RAD54L2: variants seen among roughly 807,000 people sequenced by gnomAD.
The protein encoded by RAD54L2 is helicase ARIP4.
Under a neutral mutation model 138.4 loss-of-function variants are expected in RAD54L2, and 27 were observed. The ratio of observed to expected loss-of-function variants is 0.20; its 90% CI spans 0.14 to 0.27. RAD54L2 has a LOEUF of 0.27. Ranked by LOEUF, RAD54L2 falls within the 10% of genes least tolerant of loss-of-function variation. RAD54L2 has a pLI of 1.00. For missense variants in RAD54L2, 1,396 were observed against 1,890.2 expected (o/e 0.74, Z 4.85); for synonymous variants, 644 against 723.2 (o/e 0.89, Z 1.76).
At chr3:51,577,125 G>A (rs1026727385) in intron 2 of RAD54L2, among the ~76,000 whole-genome samples, 2 of 152,174 alleles carry the variant, frequency 1.3e-5, no homozygotes, top group African/African-American at 4.8e-5. Context: ...TCAGGAGCAG[G>A]TTGTTCCGTT....
intron 2 of RAD54L2, among the ~76,000 whole-genome samples, chr3:51,544,622 G>C (rs1559610963): frequency 6.6e-6 from 1 of 152,140 alleles, no homozygotes; most frequent in Non-Finnish European, 1.5e-5. Context: ...TGATTGATTG[G>C]AGATGGAGTC....
chr3:51,656,158 G>A lies in RAD54L2; in HGVS notation c.3214G>A (p.Val1072Ile). 1 of 1,610,002 alleles carries A rather than the reference G, an allele frequency of 6.2e-7. No homozygotes were observed. Among genetic ancestry groups the A allele is most frequent in the Non-Finnish European group, 8.5e-7 (1 of 1,176,792 alleles). ...TGCAGGAGTCCTTGTGCAGAAGGTG[G>A]TCACCACGACAGGTGGGAACTCCTG... ...QRAGVLVQKV[V>I]TTTDIVIPGL... is the part of the protein sequence containing the mutation. The change falls in exon 20 of 23, where the codon GTC becomes ATC. Residue 1072 changes from valine to isoleucine, a missense_variant. By Grantham distance (29) the Val-to-Ile change is conservative. Around this residue, in one of 7 missense-constraint regions of RAD54L2, gnomAD observed 634 missense variants for 711.2 expected, o/e 0.89. Transcript: ENST00000684192.
intron 2 of RAD54L2, among the ~76,000 whole-genome samples, chr3:51,543,950 T>C (rs6797172): frequency 0.012 from 1,826 of 152,346 alleles, 28 homozygotes; most frequent in African/African-American, 0.042. Flanking sequence ...GCCTCTCTTC[T>C]GTATGACATT....
At position 51,590,518 on chromosome 3, in the gene RAD54L2, T is replaced by C. The variant is rs1232781269; in HGVS notation, c.98T>C (p.Val33Ala). The change falls in exon 3 of 23, where the codon GTG (valine) becomes GCG (alanine). Residue 33 changes from valine to alanine, a missense_variant. Coordinates refer to ENST00000684192, the MANE Select transcript of RAD54L2 (RefSeq NM_015106.4). ...GAGGAGGAGGAGGAGGAGGTGGCAG[T>C]GGAGGAGTGTGACAGGGATGATGAA... is the stretch of plus-strand genomic sequence containing the variant. ...EEEEEEEEVA[V>A]EECDRDDEED... 6.4e-7 allele frequency: 1 copy of C among 1,552,102 alleles called. No homozygotes were observed.
intron 3 of RAD54L2, among the ~76,000 whole-genome samples, chr3:51,623,574 C>T (rs1234703315): frequency 1.3e-5 from 2 of 152,196 alleles, no homozygotes; most frequent in African/African-American, 4.8e-5. Context: ...TGCCTAAATG[C>T]AAAGCTCATA....
rs1254080583 is a variant in RAD54L2, at chr3:51,641,696, A to T, written c.2232-53A>T. The stretch of plus-strand genomic sequence containing the variant: ...GCACAAGAGTATGGACCTATTGGGA[A>T]CAATGTTCCCTCAATTCTGGGAGCC... On this transcript the variant is annotated intron_variant, in intron 14 of 22. Coordinates refer to ENST00000684192, the MANE Select transcript of RAD54L2 (RefSeq NM_015106.4). The T allele has an allele frequency of 2.0e-5, 25 of 1,237,058 alleles. No homozygotes were observed. The East Asian group carries it at 5.1e-4, about 25-fold the overall frequency. 76.6% of individuals were successfully genotyped at this position (1,237,058 alleles called of 1,614,324 possible).
At chr3:51,603,997 A>G (rs184823254) in intron 3 of RAD54L2, among the ~76,000 whole-genome samples, 35 of 152,348 alleles carry the variant, frequency 2.3e-4, no homozygotes, top group Middle Eastern at 3.4e-3. Context: ...TAAAGTAGGG[A>G]AACCAGCTAG....
intron 3 of RAD54L2, among the ~76,000 whole-genome samples, chr3:51,599,182 G>C (rs1437748650): frequency 6.6e-6 from 1 of 152,156 alleles, no homozygotes; most frequent in African/African-American, 2.4e-5. Context: ...CCACACATTT[G>C]GTCACTAGAA....
intron 2 of RAD54L2, among the ~76,000 whole-genome samples, chr3:51,552,587 T>TTA (rs1698866818): frequency 1.5e-5 from 2 of 136,566 alleles, no homozygotes; most frequent in African/African-American, 5.5e-5. Context: ...TTTTTTTTTT[T>TTA]AAAGAGAGGG....
At chr3:51,565,707 A>T (rs1377628102) in intron 2 of RAD54L2, among the ~76,000 whole-genome samples, 1 of 151,590 alleles carries the variant, frequency 6.6e-6, no homozygotes, top group African/African-American at 2.4e-5. Flanking sequence ...TCCTGACCTC[A>T]GGTGATCCGC....
At position 51,663,993 on chromosome 3, in the gene RAD54L2, C is replaced by G. The variant is rs915894805; in HGVS notation, c.*573C>G. On this transcript the variant is annotated 3_prime_UTR_variant, in exon 23 of 23. Coordinates refer to ENST00000684192, the MANE Select transcript of RAD54L2 (RefSeq NM_015106.4). ...TTATTTTGTATGTGTATGTATGGAA[C>G]AGAGCAGGGGTGAAGGTGGGAGGGG... The G allele has an allele frequency of 6.6e-6, 1 of 150,834 alleles. No homozygotes were observed. The highest frequency in any genetic ancestry group is 2.5e-5 in the African/African-American group (1 of 40,558). The allele number at this position is 150,834 out of a possible 1,614,324, so 9.3% of individuals were successfully genotyped here.
intron 3 of RAD54L2, among the ~76,000 whole-genome samples, chr3:51,622,698 C>CA (rs919194619): frequency 1.4e-4 from 21 of 152,172 alleles, no homozygotes; most frequent in South Asian, 4.2e-4. Flanking sequence ...AGTAGAATGC[C>CA]AGGAAGGAGA....
At chr3:51,630,491 G>C in intron 6 of RAD54L2, 103 bp downstream of exon 6, 1 of 1,183,860 alleles carries the variant, frequency 8.4e-7, no homozygotes, top group South Asian at 1.4e-5. Context: ...AATTTGGGAT[G>C]TGGCTTTGAC....
chr3:51,562,735 A>G (rs1475418128), intron 2 of RAD54L2, among the ~76,000 whole-genome samples: 2 of 151,944 alleles, frequency 1.3e-5, no homozygotes, highest in Non-Finnish European at 2.9e-5. Context: ...GCTGGTCTCA[A>G]AGTCTGTGCT....
In RAD54L2 at chr3:51,656,086, T is replaced by A. The variant is rs1473568410; in HGVS notation, c.3142T>A (p.Ser1048Thr). 6.2e-7 allele frequency: 1 copy of A among 1,614,030 alleles called. No homozygotes were observed. Among genetic ancestry groups the A allele is most frequent in the East Asian group, 2.2e-5 (1 of 44,880 alleles). ...ATTGGGAGGAAGTGTAAGCTCTGCCTCCAGCACAAATCCATCCATGAACTT... is the reference window on the plus strand; with the variant it reads ...ATTGGGAGGAAGTGTAAGCTCTGCCACCAGCACAAATCCATCCATGAACTT... ...VPLGGSVSSA[S>T]STNPSMNFPI... is the part of the protein sequence containing the mutation. Residue 1048 changes from serine (S) to threonine (T), a missense_variant, in exon 20 of 23, where the codon TCC becomes ACC. Ser to Thr is a moderately conservative substitution (Grantham distance 58, BLOSUM62 1). Around this residue, in one of 7 missense-constraint regions of RAD54L2, gnomAD observed 634 missense variants for 711.2 expected, o/e 0.89. Coordinates refer to ENST00000684192, the MANE Select transcript of RAD54L2 (RefSeq NM_015106.4).
chr3:51,549,574 T>C (rs536658719), intron 2 of RAD54L2, among the ~76,000 whole-genome samples: 1 of 152,116 alleles, frequency 6.6e-6, no homozygotes, highest in South Asian at 2.1e-4. Flanking sequence ...GGTCAGGAGT[T>C]GGAGACCAGC....
chr3:51,595,924 T>C (rs1361938940), intron 3 of RAD54L2, among the ~76,000 whole-genome samples: 7 of 148,066 alleles, frequency 4.7e-5, no homozygotes. Flanking sequence ...TTTCTTTCAT[T>C]CATTCAGTCT....
intron 2 of RAD54L2, among the ~76,000 whole-genome samples, chr3:51,556,389 C>T (rs375462866): frequency 4.6e-5 from 7 of 152,170 alleles, no homozygotes; most frequent in South Asian, 2.1e-4. Context: ...TCCTCTTAGG[C>T]GGGTGCCACC....
intron 3 of RAD54L2, among the ~76,000 whole-genome samples, chr3:51,602,649 C>A (rs1031977665): frequency 1.3e-5 from 2 of 152,042 alleles, no homozygotes; most frequent in Non-Finnish European, 2.9e-5. Flanking sequence ...TAACAGTGTG[C>A]GAGAGCAGCA....
Sources: gnomAD v4.1 joint callset for allele counts (sites outside exome capture counted in the v4.1 genomes callset) on GRCh38, gnomAD v4.1.1 for gene constraint, gnomAD v4.1.1 regional missense constraint, MANE v1.5 for transcripts, NCBI Gene and HGNC (gene_info 2026-07-23, HGNC 2026-07-21) for gene names.